Variants in TBC1D1 observed in about 807,000 individuals in gnomAD.
TBC1D1 encodes TBC1 domain family member 1.
A neutral mutation model predicts 125.6 loss-of-function variants in TBC1D1; 89 were observed. The ratio of observed to expected loss-of-function variants is 0.71; its 90% CI spans 0.60 to 0.85. TBC1D1 has a LOEUF of 0.85. Ranked by LOEUF, TBC1D1 falls within the 40% of genes least tolerant of loss-of-function variation. The pLI is 0.00. For missense variants in TBC1D1, 1,377 were observed against 1,469.2 expected (o/e 0.94, Z 1.03); for synonymous variants, 565 against 564.1 (o/e 1.00, Z -0.02).
chr4:37,911,131 CTTTTTTTTTTTT>C (rs71658745), intron 2 of TBC1D1, among the ~76,000 whole-genome samples: 8 of 94,888 alleles, frequency 8.4e-5, no homozygotes, highest in East Asian at 3.3e-4. Flanking sequence ...TCCCCTCCTC[CTTTTTTTTTTTT>C]TTTTTTTTTT....
At chr4:37,900,703 A>G (rs1715783048) in intron 1 of TBC1D1, among the ~76,000 whole-genome samples, 1 of 152,210 alleles carries the variant, frequency 6.6e-6, no homozygotes, top group African/African-American at 2.4e-5. Context: ...CCCACAGACA[A>G]CTCAGCTTTG....
intron 15 of TBC1D1, among the ~76,000 whole-genome samples, chr4:38,114,011 G>T (rs996226233): frequency 6.6e-6 from 1 of 152,010 alleles, no homozygotes; most frequent in Non-Finnish European, 1.5e-5. Flanking sequence ...TCACATTCCA[G>T]TTCAGTTGCA....
intron 10 of TBC1D1, among the ~76,000 whole-genome samples, chr4:38,046,337 A>T (rs1578413760): frequency 6.6e-6 from 1 of 151,650 alleles, no homozygotes; most frequent in African/African-American, 2.4e-5. Context: ...ACGCCACTGC[A>T]CTCCAGCCTG....
chr4:37,968,963 C>T (rs184741619), intron 2 of TBC1D1, among the ~76,000 whole-genome samples: 9 of 152,144 alleles, frequency 5.9e-5, no homozygotes, highest in Non-Finnish European at 1.2e-4. Flanking sequence ...GACACTTGGA[C>T]GATTTGTGGC....
chr4:37,967,478 G>A (rs1195147235), intron 2 of TBC1D1, among the ~76,000 whole-genome samples: 1 of 149,948 alleles, frequency 6.7e-6, no homozygotes, highest in Non-Finnish European at 1.5e-5. Flanking sequence ...CTGGGTGACA[G>A]AGTGAGACTC....
chr4:37,895,320 T>G (rs1011733395), intron 1 of TBC1D1, among the ~76,000 whole-genome samples: 1 of 152,208 alleles, frequency 6.6e-6, no homozygotes, highest in Non-Finnish European at 1.5e-5. Flanking sequence ...ACATAATCTC[T>G]GAGGGCCAGC....
At chr4:38,073,937 AC>A (rs1394406034) in intron 12 of TBC1D1, among the ~76,000 whole-genome samples, 2 of 152,204 alleles carry the variant, frequency 1.3e-5, no homozygotes, top group African/African-American at 4.8e-5. Context: ...TTTTAAGACA[AC>A]CAAAAGGATG....
chr4:38,074,828 C>T (rs973724077), intron 12 of TBC1D1, among the ~76,000 whole-genome samples: 5 of 151,028 alleles, frequency 3.3e-5, no homozygotes, highest in African/African-American at 4.9e-5. Flanking sequence ...GTGGCCCAAT[C>T]TTGGCTCGCT....
At chr4:38,088,317 T>G (rs1384886346) in intron 12 of TBC1D1, among the ~76,000 whole-genome samples, 2 of 152,236 alleles carry the variant, frequency 1.3e-5, no homozygotes, top group Non-Finnish European at 2.9e-5. Flanking sequence ...AGGAAAATAT[T>G]TTTTCCATCT....
chr4:37,995,742 C>A lies in TBC1D1; in HGVS notation c.418-18767C>A. The A allele has an allele frequency of 1.9e-6, 1 of 530,246 alleles. No homozygotes were observed. Among genetic ancestry groups the A allele is most frequent in the Non-Finnish European group, 3.8e-6 (1 of 264,590 alleles). The allele number at this position is 530,246 out of a possible 1,614,324, so 32.8% of individuals were successfully genotyped here. On this transcript the variant is annotated intron_variant, in intron 2 of 19. Transcript: ENST00000261439. The surrounding 1 kb of genome is among the most constrained non-coding windows in gnomAD (Gnocchi z 4.3). ...TGGAAATGGTTGTCTGGACGGCTTGCACTTTGGTCTTAACTGCATTCACCC... is the reference window on the plus strand; with the variant it reads ...TGGAAATGGTTGTCTGGACGGCTTGAACTTTGGTCTTAACTGCATTCACCC...
intron 15 of TBC1D1, among the ~76,000 whole-genome samples, chr4:38,113,535 C>T (rs1180119253): frequency 1.3e-5 from 2 of 152,174 alleles, no homozygotes; most frequent in Non-Finnish European, 2.9e-5. Context: ...TCCTTTATGC[C>T]ACATGACTCC....
chr4:38,116,631 A>G (rs1473716055), intron 16 of TBC1D1, among the ~76,000 whole-genome samples: 1 of 152,226 alleles, frequency 6.6e-6, no homozygotes, highest in Admixed American at 6.5e-5. Context: ...CGTGGGTTGA[A>G]GTAGGCACCC....
chr4:37,961,729 G>T (rs1448250687), intron 2 of TBC1D1, among the ~76,000 whole-genome samples: 1 of 152,180 alleles, frequency 6.6e-6, no homozygotes, highest in Non-Finnish European at 1.5e-5. Context: ...GAAAGTGAGT[G>T]GTGGTTATGT....
chr4:38,043,297 A>T (rs139536617), intron 8 of TBC1D1, among the ~76,000 whole-genome samples: 3,724 of 149,246 alleles, frequency 0.025, 69 homozygotes, highest in South Asian at 0.075. Context: ...GTTGCATATT[A>T]AAAAAAAAAT....
chr4:37,931,097 TTTTGTTTG>T (rs58653315), intron 2 of TBC1D1, among the ~76,000 whole-genome samples: 16 of 150,602 alleles, frequency 1.1e-4, no homozygotes, highest in African/African-American at 3.4e-4. Context: ...GTTTTTGTTG[TTTTGTTTG>T]TTTGTTTGTT....
chr4:38,053,615 T>C (rs1309051381), intron 11 of TBC1D1, among the ~76,000 whole-genome samples: 2 of 152,252 alleles, frequency 1.3e-5, no homozygotes, highest in Non-Finnish European at 2.9e-5. Context: ...CCTTCTCAGG[T>C]TGTCCTGTGA....
intron 2 of TBC1D1, among the ~76,000 whole-genome samples, chr4:38,012,428 C>T (rs1287831315): frequency 1.3e-5 from 2 of 152,156 alleles, no homozygotes; most frequent in African/African-American, 2.4e-5. Context: ...GCGCACACCA[C>T]CTTGGCTGGC....
chr4:37,977,579 G>A lies in TBC1D1; in HGVS notation c.418-36930G>A. On this transcript the variant is annotated intron_variant, in intron 2 of 19. Coordinates refer to ENST00000261439, the MANE Select transcript of TBC1D1 (RefSeq NM_015173.4). The surrounding 1 kb of genome is among the most constrained non-coding windows in gnomAD (Gnocchi z 4.3). The stretch of plus-strand genomic sequence containing the variant: ...GTTACCGGAGCGGAGCGGCAGGCGC[G>A]GGGCTGGAACATTTGTAACCTTCGG... 1.7e-6 allele frequency: 1 copy of A among 599,862 alleles called. No homozygotes were observed. Among genetic ancestry groups the A allele is most frequent in the Non-Finnish European group, 2.1e-6 (1 of 466,854 alleles). 37.2% of individuals were successfully genotyped at this position (599,862 alleles called of 1,614,324 possible).
At chr4:38,009,716 AAG>A (rs2152420126) in intron 2 of TBC1D1, among the ~76,000 whole-genome samples, 1 of 152,368 alleles carries the variant, frequency 6.6e-6, no homozygotes, top group Admixed American at 6.5e-5. Flanking sequence ...TATGTGAACA[AAG>A]AAACTTGTTT....
Sources: allele counts gnomAD v4.1 joint callset (sites outside exome capture counted in the v4.1 genomes callset), GRCh38; gene constraint gnomAD v4.1.1; non-coding constraint Gnocchi (gnomAD v3.1); transcripts MANE v1.5; gene names NCBI Gene and HGNC (gene_info 2026-07-23, HGNC 2026-07-21).